PDE6D: variants seen among roughly 807,000 people sequenced by gnomAD.
PDE6D encodes the protein phosphodiesterase 6D.
In PDE6D, 10 loss-of-function variants were observed where a neutral mutation model predicts 21.9. The observed-to-expected ratio is 0.46, with a 90% confidence interval of 0.28 to 0.78. PDE6D has a LOEUF of 0.78. PDE6D is among the 30% of genes least tolerant of loss of function. The pLI, the probability that PDE6D is intolerant of heterozygous loss-of-function variation, is 0.12. For synonymous variants in PDE6D, 59 were observed against 63.5 expected, an observed-to-expected ratio of 0.93 and a Z score of 0.34; for missense variants, 139 against 184.8, an observed-to-expected ratio of 0.75 and a Z score of 1.44.
At chr2:231,777,694 A>C (rs1000150134) in intron 1 of PDE6D, among the ~76,000 whole-genome samples, 12 of 152,306 alleles carry the variant, frequency 7.9e-5, no homozygotes, top group East Asian at 1.9e-4. Flanking sequence ...CCAAAAAAAA[A>C]CCTATGTCTT....
chr2:231,753,340 A>G (rs1403128845), intron 1 of PDE6D, among the ~76,000 whole-genome samples: 1 of 150,646 alleles, frequency 6.6e-6, no homozygotes, highest in Non-Finnish European at 1.5e-5. Flanking sequence ...TGGCTAACAC[A>G]GTGAAACCCC....
chr2:231,775,781 A>G (rs1249777942), intron 1 of PDE6D, among the ~76,000 whole-genome samples: 1 of 152,106 alleles, frequency 6.6e-6, no homozygotes, highest in Non-Finnish European at 1.5e-5. Flanking sequence ...GGATATTATA[A>G]TATCTGACGT....
At position 231,738,019 on chromosome 2, in the gene PDE6D, G is replaced by C; in HGVS notation, c.259C>G (p.Leu87Val). Residue 87 changes from leucine to valine, a missense_variant, in exon 3 of 5, where the codon CTA becomes GTA. Transcript: ENST00000287600. ...EQKVYFKGQC[L>V]EEWFFEFGFV... ...CATGTAGGCAGCAGAATACCTTCTA[G>C]GCATTGCCCTTTGAAGTAAACTTTT... 2 of 1,613,918 alleles carry C rather than the reference G, an allele frequency of 1.2e-6. No homozygotes were observed. Among genetic ancestry groups the C allele is most frequent in the Non-Finnish European group, 1.7e-6 (2 of 1,179,888 alleles).
At chr2:231,745,181 A>C (rs976947440) in intron 1 of PDE6D, among the ~76,000 whole-genome samples, 4 of 152,146 alleles carry the variant, frequency 2.6e-5, no homozygotes, top group African/African-American at 9.7e-5. Context: ...TCCTCAAAAG[A>C]GGAAACTTCA....
intron 1 of PDE6D, among the ~76,000 whole-genome samples, chr2:231,755,692 G>A (rs1487707532): frequency 1.3e-5 from 2 of 152,126 alleles, no homozygotes; most frequent in African/African-American, 2.4e-5. Flanking sequence ...AGGCTGAGGC[G>A]GGCGGATCAA....
intron 3 of PDE6D, chr2:231,737,547 A>C (rs1013566266): frequency 5.2e-6 from 2 of 386,528 alleles, no homozygotes; most frequent in Non-Finnish European, 9.3e-6. Context: ...CAATATAAGC[A>C]GCATTTTCTT....
At position 231,776,295 on chromosome 2, in the gene PDE6D, G is replaced by A. The variant is rs145505786; in HGVS notation, c.50+4770C>T. Among the ~76,000 whole-genome samples, 94 of 147,730 alleles carry A rather than the reference G, an allele frequency of 6.4e-4. No individual in the cohort carries two copies. The East Asian group carries it at 0.011, about 17-fold the overall frequency. On this transcript the variant is annotated intron_variant, in intron 1 of 4. Coordinates refer to ENST00000287600, the MANE Select transcript of PDE6D (RefSeq NM_002601.4). ...GAGATCACATCACTGCACTCCAGCCGGGGTGACAAGAGCAAGACTCCGTCT... is the reference window on the plus strand; with the variant it reads ...GAGATCACATCACTGCACTCCAGCCAGGGTGACAAGAGCAAGACTCCGTCT...
intron 1 of PDE6D, among the ~76,000 whole-genome samples, chr2:231,770,327 C>G (rs938259658): frequency 5.3e-5 from 8 of 152,108 alleles, no homozygotes; most frequent in Admixed American, 4.6e-4. Flanking sequence ...AGAATATATC[C>G]ACCTGCTGCT....
intron 1 of PDE6D, among the ~76,000 whole-genome samples, chr2:231,744,284 T>TA (rs2048773923): frequency 6.6e-6 from 1 of 152,232 alleles, no homozygotes; most frequent in South Asian, 2.1e-4. Context: ...AAAGATGTTT[T>TA]AAATTAGTCT....
intron 1 of PDE6D, among the ~76,000 whole-genome samples, chr2:231,745,316 T>C (rs2048785396): frequency 1.3e-5 from 2 of 152,194 alleles, no homozygotes; most frequent in South Asian, 4.1e-4. Context: ...GCTAAAAACA[T>C]ATTTGTTTTA....
At chr2:231,749,946 G>C (rs973765032) in intron 1 of PDE6D, among the ~76,000 whole-genome samples, 2 of 152,128 alleles carry the variant, frequency 1.3e-5, no homozygotes, top group Non-Finnish European at 2.9e-5. Flanking sequence ...ACGAGATTTG[G>C]AGAGGCCAGG....
intron 1 of PDE6D, among the ~76,000 whole-genome samples, chr2:231,758,066 C>T (rs2048896842): frequency 6.6e-6 from 1 of 152,232 alleles, no homozygotes; most frequent in Non-Finnish European, 1.5e-5. Flanking sequence ...ACATATACTT[C>T]TCCCCAATAA....
chr2:231,774,696 C>T (rs1361187866), intron 1 of PDE6D, among the ~76,000 whole-genome samples: 1 of 148,706 alleles, frequency 6.7e-6, no homozygotes, highest in East Asian at 2.0e-4. Context: ...TCAAGTGATT[C>T]TTCTGCCTCA....
At chr2:231,753,271 C>T (rs1454452238) in intron 1 of PDE6D, among the ~76,000 whole-genome samples, 2 of 151,498 alleles carry the variant, frequency 1.3e-5, no homozygotes, top group African/African-American at 2.4e-5. Context: ...CGCCTGTAAT[C>T]CCGGCACTTT....
At chr2:231,742,548 G>A (rs967588463) in intron 1 of PDE6D, among the ~76,000 whole-genome samples, 1 of 152,150 alleles carries the variant, frequency 6.6e-6, no homozygotes, top group East Asian at 1.9e-4. Flanking sequence ...TAAAGGAAAA[G>A]AAAATTAACA....
chr2:231,737,447 G>C, intron 3 of PDE6D, 155 bp from the exon 4 acceptor site: 1 of 563,430 alleles, frequency 1.8e-6, no homozygotes, highest in Non-Finnish European at 3.2e-6. Context: ...AAAAAGACAG[G>C]GAAGCCTGCT....
At chr2:231,764,367 C>A (rs1054989680) in intron 1 of PDE6D, among the ~76,000 whole-genome samples, 1 of 152,052 alleles carries the variant, frequency 6.6e-6, no homozygotes, top group African/African-American at 2.4e-5. Context: ...AGAGTGAGAC[C>A]CTGTCTCCAA....
Position 231,737,247 on chromosome 2 carries a change from G to T in PDE6D, c.311C>A (p.Thr104Asn). 1 of 1,613,230 alleles carries T rather than the reference G, an allele frequency of 6.2e-7. No homozygotes were observed. Among genetic ancestry groups the T allele is most frequent in the Non-Finnish European group, 8.5e-7 (1 of 1,179,276 alleles). The stretch of plus-strand genomic sequence containing the variant: ...TGCTGCCTCTATCAAGGACTGCCAG[G>T]TATTTGTGGAGTTAGGGATCACAAA... ...FGFVIPNSTN[T>N]WQSLIEAAPE... Residue 104 changes from threonine (T) to asparagine (N), a missense_variant, in exon 4 of 5, where the codon ACC becomes AAC. By Grantham distance (65) the Thr-to-Asn change is moderately conservative (BLOSUM62 0). Coordinates refer to ENST00000287600, the MANE Select transcript of PDE6D (RefSeq NM_002601.4).
In PDE6D at chr2:231,739,156, C is replaced by T; in HGVS notation, c.83G>A (p.Gly28Glu). 6.2e-7 allele frequency: 1 copy of T among 1,613,026 alleles called. No homozygotes were observed. Among genetic ancestry groups the T allele is most frequent in the Non-Finnish European group, 8.5e-7 (1 of 1,179,048 alleles). The change falls in exon 2 of 5, where the codon GGG (glycine) becomes GAG (glutamate). Residue 28 changes from glycine (G) to glutamate (E), a missense_variant. Gly to Glu is a moderately conservative substitution (Grantham distance 98). Transcript: ENST00000287600. The surrounding 1 kb of genome is among the most constrained non-coding windows in gnomAD (Gnocchi z 4.2). ...TTCTGTTCCTTGCCAGAGTATCTTC[C>T]CTGTCTCAGCATCCCGAAGGTTCAT... Reference protein sequence around the residue: ...NWMNLRDAETGKILWQGTEDL... With the variant: ...NWMNLRDAETEKILWQGTEDL...
Sources: gnomAD v4.1 joint callset for allele counts (sites outside exome capture counted in the v4.1 genomes callset) on GRCh38, gnomAD v4.1.1 for gene constraint, Gnocchi (gnomAD v3.1) non-coding constraint, MANE v1.5 for transcripts, NCBI Gene and HGNC (gene_info 2026-07-23, HGNC 2026-07-21) for gene names.